SYT12: variants seen among roughly 807,000 people sequenced by gnomAD.
SYT12 encodes the protein synaptotagmin 12.
SYT12 carries 27 observed loss-of-function variants against 39.5 expected under a neutral mutation model. The ratio of observed to expected loss-of-function variants is 0.68; its 90% CI spans 0.50 to 0.94. The LOEUF (loss-of-function observed/expected upper bound fraction) is 0.94, where lower values mean the gene tolerates loss of function less well. Among genes scored for constraint, SYT12 ranks in the 40% least tolerant of loss-of-function variants. The pLI, the probability that SYT12 is intolerant of heterozygous loss-of-function variation, is 0.00. For missense variants in SYT12, 536 were observed against 572.6 expected, an observed-to-expected ratio of 0.94 and a Z score of 0.65; for synonymous variants, 233 against 239.7, an observed-to-expected ratio of 0.97 and a Z score of 0.26.
At chr11:67,021,353 C>G (rs1418993950), upstream of SYT12, among the ~76,000 whole-genome samples, 1 of 151,162 alleles carries the variant, frequency 6.6e-6, no homozygotes, top group Non-Finnish European at 1.5e-5. Flanking sequence ...GAGATGGAGT[C>G]TTGCTCTGCT....
chr11:67,042,387 C>T (rs1315528173), intron 4 of SYT12, among the ~76,000 whole-genome samples: 1 of 152,200 alleles, frequency 6.6e-6, no homozygotes, highest in Non-Finnish European at 1.5e-5. Context: ...GCAGCCGCCA[C>T]AGCCTGATGT....
At chr11:67,021,195 C>T (rs147111370), upstream of SYT12, among the ~76,000 whole-genome samples, 35 of 152,244 alleles carry the variant, frequency 2.3e-4, no homozygotes, top group African/African-American at 7.5e-4. Flanking sequence ...TTGGTGCACC[C>T]GTGTACGCTT....
chr11:67,034,126 G>T (rs1386957130), intron 2 of SYT12, among the ~76,000 whole-genome samples: 1 of 152,036 alleles, frequency 6.6e-6, no homozygotes, highest in Non-Finnish European at 1.5e-5. Flanking sequence ...TTAGTATATT[G>T]TGCAACCAAC....
chr11:67,025,080 A>G (rs1950163279), intron 1 of SYT12, among the ~76,000 whole-genome samples: 1 of 152,200 alleles, frequency 6.6e-6, no homozygotes, highest in African/African-American at 2.4e-5. Context: ...ATGGTGACCA[A>G]GAGCCCAGGC....
rs1276736028 is a variant in SYT12, at chr11:67,023,405, G to GCT, written c.-79_-78insCT. The stretch of plus-strand genomic sequence containing the variant: ...AGGCGCAGGTGCGTGCGCGCTGCGG[G>GCT]AGGCGGGCCGGCAGCTGGAGCCCAG... On this transcript the variant is annotated 5_prime_UTR_variant, in exon 1 of 8. Transcript: ENST00000527043. 1 of 150,214 alleles carries GCT rather than the reference G, an allele frequency of 6.7e-6. No individual in the cohort carries two copies. The highest frequency in any genetic ancestry group is 2.4e-5 in the African/African-American group (1 of 41,218). 9.3% of individuals were successfully genotyped at this position (150,214 alleles called of 1,614,324 possible).
At chr11:67,035,002 CT>C (rs11316433) in intron 3 of SYT12, among the ~76,000 whole-genome samples, 164 bp downstream of exon 3, 6,975 of 112,122 alleles carry the variant, frequency 0.062, 423 homozygotes, top group African/African-American at 0.22. Flanking sequence ...ACATCTTCAA[CT>C]TTTTTTTTTT....
Position 67,033,537 on chromosome 11 carries a change from G to A in SYT12, c.35-1108G>A, listed in dbSNP as rs1024525370. On this transcript the variant is annotated intron_variant, in intron 2 of 7. Transcript: ENST00000527043. Reference sequence around the variant, plus strand: ...CCACCTTGCTTCCAGGGAACTGTGCGGGGTCGAGGCCGGGTGGGGCAGTGG... The same window carrying A: ...CCACCTTGCTTCCAGGGAACTGTGCAGGGTCGAGGCCGGGTGGGGCAGTGG... Among the ~76,000 whole-genome samples, 9 of 152,200 alleles carry A rather than the reference G, an allele frequency of 5.9e-5. No individual in the cohort carries two copies. In the South Asian group the frequency reaches 6.2e-4, roughly 10 times the overall value.
At position 67,030,177 on chromosome 11, in the gene SYT12, C is replaced by T. The variant is rs189121739; in HGVS notation, c.33C>T (p.Ser11=). Residue 11 remains serine (S), a splice_region_variant and synonymous_variant, in exon 2 of 8, where the codon AGC becomes AGT. Transcript: ENST00000527043. MAVDVAEYHL[S]VIKSPPGWEV... ...TGGATGTGGCAGAATACCATCTGAGCGGTGAGTGCCCAGGGCAAACCCCTC... is the reference window on the plus strand; with the variant it reads ...TGGATGTGGCAGAATACCATCTGAGTGGTGAGTGCCCAGGGCAAACCCCTC... The T allele has an allele frequency of 7.5e-5, 121 of 1,614,022 alleles. 1 individual carries two copies. In the East Asian group the frequency reaches 2.1e-3, roughly 28 times the overall value.
chr11:67,027,254 A>C (rs1330859745), intron 1 of SYT12: 2 of 152,302 alleles, frequency 1.3e-5, no homozygotes, highest in Non-Finnish European at 2.9e-5. Context: ...TAATCCTAGC[A>C]CTTTGGGAGG....
At chr11:67,016,421 T>C (rs570568219) in intron 3 of SYT12, among the ~76,000 whole-genome samples, 12 of 152,210 alleles carry the variant, frequency 7.9e-5, no homozygotes, top group African/African-American at 2.9e-4. Flanking sequence ...GGTAAGAGAC[T>C]ATGGGAAGAA....
chr11:67,011,184 C>T (rs1048688186), intron 3 of SYT12, among the ~76,000 whole-genome samples: 1 of 152,138 alleles, frequency 6.6e-6, no homozygotes, highest in East Asian at 1.9e-4. Context: ...ATAATGAGAT[C>T]CCCATCTCTA....
chr11:67,040,105 C>G lies in SYT12; in HGVS notation c.523C>G (p.Gln175Glu), dbSNP rs1330936894. 2 of 1,613,546 alleles carry G rather than the reference C, an allele frequency of 1.2e-6. No homozygotes were observed. The highest frequency in any genetic ancestry group is 2.7e-5 in the African/African-American group (2 of 74,934). The change falls in exon 4 of 8, where the codon CAG becomes GAG. Residue 175 changes from glutamine to glutamate, a missense_variant. Transcript: ENST00000527043. ...ASHTLNVAVMQGKDLLEREEA... is the reference protein window; with the variant it reads ...ASHTLNVAVMEGKDLLEREEA... ...CCACACGCTGAACGTGGCGGTGATG[C>G]AGGGCAAGGACCTCCTGGAGCGGGA...
At chr11:67,021,033 C>T (rs1220911037), upstream of SYT12, among the ~76,000 whole-genome samples, 1 of 152,146 alleles carries the variant, frequency 6.6e-6, no homozygotes, top group African/African-American at 2.4e-5. Context: ...TGGATTCACT[C>T]GCCTTTCATT....
At chr11:67,032,969 G>T (rs1045133287) in intron 2 of SYT12, 3 of 153,152 alleles carry the variant, frequency 2.0e-5, no homozygotes, top group Non-Finnish European at 2.9e-5. Context: ...AGGGTGCTCA[G>T]TGCTGGGAGG....
rs1342217146 is a variant in SYT12 at position 67,050,797 on chromosome 11, G to C, written c.*2040G>C. The C allele has an allele frequency of 6.6e-6, 1 of 152,212 alleles. No homozygotes were observed. Among genetic ancestry groups the C allele is most frequent in the Non-Finnish European group, 1.5e-5 (1 of 68,086 alleles). The allele number at this position is 152,212 out of a possible 1,614,324, so 9.4% of individuals were successfully genotyped here. A position where few individuals can be genotyped will look rare whatever the true frequency, so the allele number is the denominator to read the frequency against. ...GATTCTAGAACCAAAATAAAGTTGG[G>C]GCAGGAAGAGGGGGCTTCCAGGGAG... is the stretch of plus-strand genomic sequence containing the variant. On this transcript the variant is annotated 3_prime_UTR_variant, in exon 8 of 8. Coordinates refer to ENST00000527043, the MANE Select transcript of SYT12 (RefSeq NM_177963.4).
intron 3 of SYT12, among the ~76,000 whole-genome samples, chr11:67,037,818 C>T (rs1388748099): frequency 6.7e-6 from 1 of 149,568 alleles, no homozygotes; most frequent in African/African-American, 2.5e-5. Context: ...GGAGGTGGAG[C>T]TTGCAGTGAG....
chr11:67,044,670 T>C lies in SYT12; in HGVS notation c.915T>C (p.Val305=), dbSNP rs1340547699. 6.2e-7 allele frequency: 1 copy of C among 1,613,662 alleles called. No individual in the cohort carries two copies. Among genetic ancestry groups the C allele is most frequent in the South Asian group, 1.1e-5 (1 of 91,074 alleles). Residue 305 remains valine, a synonymous_variant, in exon 6 of 8, where the codon GTT becomes GTC. Coordinates refer to ENST00000527043, the MANE Select transcript of SYT12 (RefSeq NM_177963.4). ...CCGAGCGCCTCACCGTGGTCGTGGT[T>C]AAGGCCAAGAACCTCATCTGGACCA... ...PTAERLTVVV[V]KAKNLIWTND...
In SYT12 at chr11:67,016,679, G is replaced by A. The variant is rs914185003; in HGVS notation, c.-68-5190G>A. 2.6e-5 allele frequency among the ~76,000 whole-genome samples: 4 copies of A among 152,148 alleles called. No individual in the cohort carries two copies. In the South Asian group the frequency reaches 6.2e-4, roughly 24 times the overall value. ...AGAAGAAGTTGGCATGATGGGATGCGGTGCTGCAAGACCCAGCTCTGGAAC... is the reference window on the plus strand; with the variant it reads ...AGAAGAAGTTGGCATGATGGGATGCAGTGCTGCAAGACCCAGCTCTGGAAC... On this transcript the variant is annotated intron_variant, in intron 3 of 10. Transcript: ENST00000393946.
chr11:67,022,106 G>T (rs1024261380), upstream of SYT12, among the ~76,000 whole-genome samples: 1 of 151,928 alleles, frequency 6.6e-6, no homozygotes, highest in Non-Finnish European at 1.5e-5. Flanking sequence ...AGTAGAGACG[G>T]GGTTTCACCG....
Sources: gnomAD v4.1 joint callset for allele counts (sites outside exome capture counted in the v4.1 genomes callset) on GRCh38, gnomAD v4.1.1 for gene constraint, MANE v1.5 for transcripts, NCBI Gene and HGNC (gene_info 2026-07-23, HGNC 2026-07-21) for gene names.